The following ATG7 variants were observed in gnomAD, a reference collection of about 807,000 sequenced individuals.
ATG7 encodes the protein autophagy related 7.
Under a neutral mutation model 82.4 loss-of-function variants are expected in ATG7, and 70 were observed. The ratio of observed to expected loss-of-function variants is 0.85; its 90% confidence interval spans 0.70 to 1.04. The LOEUF (loss-of-function observed/expected upper bound fraction) is 1.04. ATG7 is among the 50% of genes least tolerant of loss of function. The pLI, the probability that ATG7 is intolerant of heterozygous loss-of-function variation, is 0.00. For synonymous variants in ATG7, 287 were observed against 313.0 expected, an observed-to-expected ratio of 0.92 and a Z score of 0.88; for missense variants, 792 against 864.3, an observed-to-expected ratio of 0.92 and a Z score of 1.05.
intron 3 of ATG7, among the ~76,000 whole-genome samples, chr3:11,291,943 C>T (rs975136219): frequency 5.9e-5 from 9 of 152,176 alleles, no homozygotes; most frequent in African/African-American, 1.9e-4. Flanking sequence ...AGTAAGCTTT[C>T]GTTTGTTTGT....
chr3:11,312,172 A>T (rs1284155314), intron 7 of ATG7, among the ~76,000 whole-genome samples: 2 of 152,246 alleles, frequency 1.3e-5, no homozygotes, highest in East Asian at 3.9e-4. Context: ...ATTTTATGGA[A>T]CGTAAATTAT....
At position 11,555,014 on chromosome 3, in the gene ATG7, C is replaced by T. The variant is rs1316645376; in HGVS notation, c.*171C>T. ...GGAGTGGCCAGTGTTCGGCGTTGCT[C>T]GGGATTCAAGATACCACCAGTTCAG... On this transcript the variant is annotated 3_prime_UTR_variant, in exon 21 of 21. Coordinates refer to ENST00000693202, the MANE Select transcript of ATG7 (RefSeq NM_001349232.2). The T allele has an allele frequency of 1.5e-5, 12 of 802,686 alleles. No homozygotes were observed. Among genetic ancestry groups the T allele is most frequent in the Admixed American group, 9.3e-5 (3 of 32,174 alleles). 49.7% of individuals were successfully genotyped at this position (802,686 alleles called of 1,614,324 possible). A position where few individuals can be genotyped will look rare whatever the true frequency, so the allele number is the denominator to read the frequency against.
At chr3:11,278,625 G>A (rs1197493121) in intron 1 of ATG7, among the ~76,000 whole-genome samples, 6 of 152,112 alleles carry the variant, frequency 3.9e-5, no homozygotes, top group African/African-American at 7.2e-5. Flanking sequence ...AAGCTGGCAC[G>A]GTTCCTTTCT....
At chr3:11,385,479 AT>A (rs1435507605) in intron 19 of ATG7, among the ~76,000 whole-genome samples, 6 of 152,354 alleles carry the variant, frequency 3.9e-5, no homozygotes, top group African/African-American at 1.4e-4. Context: ...TTCAACTGAC[AT>A]TTGAGTCCCT....
intron 20 of ATG7, among the ~76,000 whole-genome samples, chr3:11,451,570 C>T (rs2085135798): frequency 2.0e-5 from 3 of 152,046 alleles, no homozygotes; most frequent in South Asian, 2.1e-4. Flanking sequence ...TTGGCCCAAG[C>T]GTATCACTGG....
chr3:11,537,454 A>G (rs569489824), intron 20 of ATG7, among the ~76,000 whole-genome samples: 1 of 152,330 alleles, frequency 6.6e-6, no homozygotes, highest in Non-Finnish European at 1.5e-5. Flanking sequence ...AGCCAAACAT[A>G]TCATAGCACA....
intron 9 of ATG7, among the ~76,000 whole-genome samples, chr3:11,322,137 T>A (rs1434309690): frequency 2.6e-5 from 4 of 152,246 alleles, no homozygotes; most frequent in African/African-American, 7.2e-5. Context: ...CTGTGATTGC[T>A]TAATGCTGGA....
chr3:11,475,904 CA>C (rs2088136481), intron 20 of ATG7, among the ~76,000 whole-genome samples: 2 of 150,740 alleles, frequency 1.3e-5, no homozygotes, highest in African/African-American at 2.5e-5. Context: ...CACACACACA[CA>C]CACCCCCTCC....
At chr3:11,360,927 A>G (rs2152811893) in intron 16 of ATG7, 143 bp downstream of exon 16, 1 of 913,272 alleles carries the variant, frequency 1.1e-6, no homozygotes. Context: ...GGAGGATGGC[A>G]TTATCTCATT....
At chr3:11,462,616 C>T (rs2086423862) in intron 20 of ATG7, among the ~76,000 whole-genome samples, 1 of 152,062 alleles carries the variant, frequency 6.6e-6, no homozygotes, top group Non-Finnish European at 1.5e-5. Flanking sequence ...GGAATTTTGC[C>T]TCTTCGGGTG....
At chr3:11,569,742 C>T in the ATG7 span, among the ~76,000 whole-genome samples, 1 of 152,280 alleles carries the variant, frequency 6.6e-6, no homozygotes, top group South Asian at 2.1e-4. Context: ...GCTGGCTGGG[C>T]ATGGTGACGT....
chr3:11,504,319 A>G (rs2091558506), intron 20 of ATG7, among the ~76,000 whole-genome samples: 1 of 152,264 alleles, frequency 6.6e-6, no homozygotes, highest in African/African-American at 2.4e-5. Flanking sequence ...TTGAATATGA[A>G]CATAGAATAG....
chr3:11,445,899 T>A (rs1043197416), intron 20 of ATG7, among the ~76,000 whole-genome samples: 2 of 152,182 alleles, frequency 1.3e-5, no homozygotes, highest in African/African-American at 2.4e-5. Flanking sequence ...ACTGATGATG[T>A]TAAACGTCTT....
intron 20 of ATG7, among the ~76,000 whole-genome samples, chr3:11,491,345 G>A (rs1266635969): frequency 2.0e-5 from 3 of 152,086 alleles, no homozygotes; most frequent in Non-Finnish European, 4.4e-5. Context: ...GCACTTCTCT[G>A]TATTGGTTAT....
chr3:11,360,438 A>G, intron 15 of ATG7, 143 bp from the exon 16 acceptor site: 1 of 799,266 alleles, frequency 1.3e-6, no homozygotes, highest in Non-Finnish European at 2.0e-6. Flanking sequence ...TAGTGGGTAG[A>G]TTTTATCATC....
In ATG7 at chr3:11,396,066, G is replaced by T. The variant is rs777132925; in HGVS notation, c.1956+16014G>T. Among the ~76,000 whole-genome samples, 17 of 151,600 alleles carry T rather than the reference G, an allele frequency of 1.1e-4. No individual in the cohort carries two copies. The South Asian group carries it at 2.1e-3, about 19-fold the overall frequency. ...GTTTACACAAAAGGACTTTTATTGG[G>T]TCTTCTCCAAATAGGAGGAAGGTGA... is the stretch of plus-strand genomic sequence containing the variant. On this transcript the variant is annotated intron_variant, in intron 19 of 20. Transcript: ENST00000693202.
At chr3:11,276,329 G>C (rs1476181567) in intron 1 of ATG7, among the ~76,000 whole-genome samples, 2 of 152,132 alleles carry the variant, frequency 1.3e-5, no homozygotes, top group African/African-American at 4.8e-5. Context: ...TTGTGCTTGA[G>C]ATCCCATCGC....
intron 20 of ATG7, among the ~76,000 whole-genome samples, chr3:11,553,635 C>T (rs1179084385): frequency 2.6e-5 from 4 of 152,212 alleles, no homozygotes; most frequent in Non-Finnish European, 4.4e-5. Context: ...GACCGCAGAC[C>T]GGCCCATCCA....
chr3:11,388,719 C>T (rs1370887146), intron 19 of ATG7, among the ~76,000 whole-genome samples: 5 of 151,940 alleles, frequency 3.3e-5, no homozygotes, highest in Non-Finnish European at 7.4e-5. Context: ...TGAGCCACTG[C>T]GCCAGGCCCC....
Sources: allele counts gnomAD v4.1 joint callset (sites outside exome capture counted in the v4.1 genomes callset), GRCh38; gene constraint gnomAD v4.1.1; transcripts MANE v1.5; gene names NCBI Gene and HGNC (gene_info 2026-07-23, HGNC 2026-07-21).